Variants in ETV1 observed in about 807,000 individuals in gnomAD.
ETV1 encodes ETS translocation variant 1.
Under a neutral mutation model 62.3 loss-of-function variants are expected in ETV1, and 27 were observed. That is an observed-to-expected ratio of 0.43 (90% CI 0.32 to 0.60). The LOEUF (loss-of-function observed/expected upper bound fraction) is 0.60, where lower values mean the gene tolerates loss of function less well. Among genes scored for constraint, ETV1 ranks in the 20% least tolerant of loss-of-function variants. ETV1 has a pLI of 0.06. For synonymous variants in ETV1, 222 were observed against 199.6 expected, an observed-to-expected ratio of 1.11 and a Z score of -0.94; for missense variants, 605 against 605.8, an observed-to-expected ratio of 1.00 and a Z score of 0.01.
chr7:13,952,949 A>G (rs1031077451), intron 6 of ETV1, among the ~76,000 whole-genome samples: 2 of 152,204 alleles, frequency 1.3e-5, no homozygotes, highest in African/African-American at 4.8e-5. Flanking sequence ...GCCAGGAGAA[A>G]GTGCCCTGGG....
At chr7:13,919,593 CACACACACAA>C (rs1784592558) in intron 9 of ETV1, among the ~76,000 whole-genome samples, 2 of 148,124 alleles carry the variant, frequency 1.4e-5, no homozygotes, top group Middle Eastern at 3.5e-3. Flanking sequence ...CACACACACA[CACACACACAA>C]AATAAGAACA....
At chr7:13,905,059 A>G (rs995272104) in intron 12 of ETV1, among the ~76,000 whole-genome samples, 11 of 151,276 alleles carry the variant, frequency 7.3e-5, no homozygotes, top group African/African-American at 2.4e-4. Context: ...TAGTGTTACT[A>G]AAGTATTGAT....
chr7:13,932,162 A>C (rs957075423), intron 8 of ETV1, among the ~76,000 whole-genome samples: 5 of 152,112 alleles, frequency 3.3e-5, no homozygotes, highest in Admixed American at 1.3e-4. Flanking sequence ...CCAGAAAAAG[A>C]TCTCAAACTG....
intron 5 of ETV1, among the ~76,000 whole-genome samples, chr7:13,981,495 A>T (rs1056016872): frequency 2.0e-5 from 3 of 147,290 alleles, no homozygotes; most frequent in African/African-American, 7.8e-5. Context: ...AATGACGTTT[A>T]CAAAGTTACA....
chr7:13,924,617 G>C (rs377334391), intron 9 of ETV1, among the ~76,000 whole-genome samples: 1 of 152,070 alleles, frequency 6.6e-6, no homozygotes, highest in Non-Finnish European at 1.5e-5. Flanking sequence ...AAGATCCTTC[G>C]AAAACCATAC....
At chr7:13,984,010 C>G (rs1782265738) in intron 5 of ETV1, among the ~76,000 whole-genome samples, 1 of 151,482 alleles carries the variant, frequency 6.6e-6, no homozygotes, top group African/African-American at 2.4e-5. Flanking sequence ...TATGAATAGT[C>G]TTACAGAAAA....
At chr7:13,955,434 A>G (rs1212885148) in intron 6 of ETV1, among the ~76,000 whole-genome samples, 1 of 152,188 alleles carries the variant, frequency 6.6e-6, no homozygotes, top group Non-Finnish European at 1.5e-5. Flanking sequence ...AATAAAATAA[A>G]TATTAACTTA....
intron 9 of ETV1, 147 bp downstream of exon 9, chr7:13,931,355 T>A (rs1786126308): frequency 1.3e-6 from 1 of 785,768 alleles, no homozygotes; most frequent in African/African-American, 1.7e-5. Context: ...TCTTTACACG[T>A]AGATGAAGTT....
At chr7:13,986,126 G>A in intron 5 of ETV1, 3 of 1,589,050 alleles carry the variant, frequency 1.9e-6, no homozygotes, top group Non-Finnish European at 2.6e-6. Flanking sequence ...CTAACGTTCT[G>A]TGTTGTGAAC....
In ETV1 at chr7:13,891,306, T is replaced by C. The variant is rs1196015074; in HGVS notation, c.*4560A>G. On this transcript the variant is annotated 3_prime_UTR_variant, in exon 14 of 14. Transcript: ENST00000430479. ...TGCTATAATCATGATTTTCATAGCA[T>C]GTTTTCTCAAACCGTAAGTATAATT... The C allele has an allele frequency of 4.3e-6, 1 of 230,104 alleles. No homozygotes were observed. The highest frequency in any genetic ancestry group is 8.6e-6 in the Non-Finnish European group (1 of 116,242). The allele number at this position is 230,104 out of a possible 1,614,324, so 14.3% of individuals were successfully genotyped here.
intron 13 of ETV1, among the ~76,000 whole-genome samples, chr7:13,896,784 G>GAAAGAAAT (rs1047077715): frequency 6.6e-6 from 1 of 150,898 alleles, no homozygotes; most frequent in Non-Finnish European, 1.5e-5. Context: ...AAGAAAGAAA[G>GAAAGAAAT]AAAGAAAGGA....
intron 5 of ETV1, 112 bp from the exon 6 acceptor site, chr7:13,977,592 T>A: frequency 8.4e-6 from 6 of 715,688 alleles, no homozygotes; most frequent in Non-Finnish European, 1.4e-5. Context: ...ATCAAACCTA[T>A]GATTATTTGC....
At chr7:13,901,693 G>T (rs1437121235) in intron 12 of ETV1, among the ~76,000 whole-genome samples, 2 of 152,144 alleles carry the variant, frequency 1.3e-5, no homozygotes, top group Non-Finnish European at 2.9e-5. Flanking sequence ...ACTTTTTATT[G>T]CCTAAAGCAG....
At position 13,909,680 on chromosome 7, in the gene ETV1, G is replaced by A; in HGVS notation, c.892C>T (p.Pro298Ser). The change falls in exon 11 of 14, where the codon CCC becomes TCC. Residue 298 changes from proline to serine, a missense_variant. By Grantham distance (74) the Pro-to-Ser change is moderately conservative. Coordinates refer to ENST00000430479, the MANE Select transcript of ETV1 (RefSeq NM_004956.5). ...RTEGCMFEKG[P>S]RQFYDDTCVV... ...CAGGTGTCATCATAAAACTGCCTGG[G>A]GCCCTTTTCAAACATACAGCCTGTG... 1 of 1,613,080 alleles carries A rather than the reference G, an allele frequency of 6.2e-7. No individual in the cohort carries two copies.
At chr7:13,967,508 T>A (rs923437746) in intron 6 of ETV1, among the ~76,000 whole-genome samples, 2 of 152,116 alleles carry the variant, frequency 1.3e-5, no homozygotes, top group African/African-American at 4.8e-5. Flanking sequence ...ATAATGGAGT[T>A]CTTGAGTTAA....
At chr7:13,985,268 T>G (rs1782434065) in intron 5 of ETV1, 1 of 152,064 alleles carries the variant, frequency 6.6e-6, no homozygotes, top group Admixed American at 6.6e-5. Context: ...TATGTTGCAA[T>G]AAAAAGTAAT....
At chr7:13,923,417 T>C (rs1785072574) in intron 9 of ETV1, among the ~76,000 whole-genome samples, 1 of 152,162 alleles carries the variant, frequency 6.6e-6, no homozygotes, top group Non-Finnish European at 1.5e-5. Context: ...CTCTTGCCAT[T>C]TCAGAAACCC....
rs369482572 is a variant in ETV1, at chr7:13,918,578, T to C, written c.803-7271A>G. Among the ~76,000 whole-genome samples the C allele has an allele frequency of 1.2e-4, 18 of 152,022 alleles. No individual in the cohort carries two copies. The East Asian group carries it at 3.5e-3, about 30-fold the overall frequency. ...AAAAATGATGAGTTCATGTCCTTTG[T>C]AGGGACATGGATGAAATTGGAAATC... On this transcript the variant is annotated intron_variant, in intron 9 of 13. Transcript: ENST00000430479.
intron 9 of ETV1, among the ~76,000 whole-genome samples, chr7:13,929,100 A>C (rs764427620): frequency 3.9e-5 from 6 of 152,254 alleles, no homozygotes; most frequent in Non-Finnish European, 8.8e-5. Flanking sequence ...AAACTACAAC[A>C]AATTAAAATG....
Sources: allele counts gnomAD v4.1 joint callset (sites outside exome capture counted in the v4.1 genomes callset), GRCh38; gene constraint gnomAD v4.1.1; transcripts MANE v1.5; gene names NCBI Gene and HGNC (gene_info 2026-07-23, HGNC 2026-07-21).